The following WDFY4 variants were observed in gnomAD, a reference collection of about 807,000 sequenced individuals.
WDFY4 encodes the protein WD repeat- and FYVE domain-containing protein 4.
A neutral mutation model predicts 351.9 loss-of-function variants in WDFY4; 169 were observed. The observed-to-expected ratio is 0.48, with a 90% CI of 0.42 to 0.55. The LOEUF is 0.55. Among genes scored for constraint, WDFY4 ranks in the 20% least tolerant of loss-of-function variants. WDFY4 has a pLI of 0.00. For missense variants in WDFY4, 3,803 were observed against 3,935.6 expected, an observed-to-expected ratio of 0.97 and a Z score of 0.90; for synonymous variants, 1,622 against 1,574.6, an observed-to-expected ratio of 1.03 and a Z score of -0.71.
chr10:48,736,963 T>C (rs1036214233), intron 11 of WDFY4, among the ~76,000 whole-genome samples: 14 of 152,362 alleles, frequency 9.2e-5, no homozygotes, highest in African/African-American at 3.1e-4. Flanking sequence ...TTAACATTCA[T>C]CAATTTATCT....
intron 60 of WDFY4, 73 bp from the exon 61 acceptor site, chr10:48,981,294 C>G: frequency 1.6e-6 from 2 of 1,286,282 alleles, no homozygotes; most frequent in Non-Finnish European, 2.2e-6. Context: ...GTTTGCGGCC[C>G]CGTGTGCAGA....
chr10:48,740,635 T>A (rs1399753916), intron 11 of WDFY4, among the ~76,000 whole-genome samples: 1 of 152,210 alleles, frequency 6.6e-6, no homozygotes, highest in East Asian at 1.9e-4. Flanking sequence ...CTTTCCTGGG[T>A]TTTCGGCCAA....
intron 57 of WDFY4, among the ~76,000 whole-genome samples, chr10:48,973,487 C>G (rs1352793203): frequency 6.6e-6 from 1 of 152,208 alleles, no homozygotes; most frequent in South Asian, 2.1e-4. Context: ...TGAAAAATGA[C>G]GCTTAGCCTC....
chr10:48,732,180 G>A (rs1393928251), intron 9 of WDFY4, among the ~76,000 whole-genome samples: 2 of 152,164 alleles, frequency 1.3e-5, no homozygotes, highest in African/African-American at 2.4e-5. Context: ...GGTGGCTCAG[G>A]GGTTGGGCTC....
chr10:48,914,770 C>A (rs967498214), intron 47 of WDFY4, among the ~76,000 whole-genome samples: 6 of 152,210 alleles, frequency 3.9e-5, no homozygotes, highest in Non-Finnish European at 8.8e-5. Flanking sequence ...TACAGTCCAA[C>A]AGTAGCCATG....
intron 13 of WDFY4, among the ~76,000 whole-genome samples, chr10:48,761,623 TG>T (rs1197874213): frequency 6.6e-6 from 1 of 152,102 alleles, no homozygotes; most frequent in Non-Finnish European, 1.5e-5. Flanking sequence ...AGCCTCATTG[TG>T]GGAAGGAAAA....
At chr10:48,772,189 C>A (rs929930818) in intron 13 of WDFY4, among the ~76,000 whole-genome samples, 1 of 152,040 alleles carries the variant, frequency 6.6e-6, no homozygotes, top group Non-Finnish European at 1.5e-5. Context: ...TGAGGGAAGC[C>A]GGGCAGGGAA....
chr10:48,701,342 C>G (rs2063474979), intron 1 of WDFY4, among the ~76,000 whole-genome samples: 1 of 152,224 alleles, frequency 6.6e-6, no homozygotes, highest in African/African-American at 2.4e-5. Context: ...TCTCCACCCT[C>G]TGGCCATTGA....
chr10:48,744,449 G>T (rs2064949841), intron 12 of WDFY4, among the ~76,000 whole-genome samples: 1 of 152,160 alleles, frequency 6.6e-6, no homozygotes, highest in Non-Finnish European at 1.5e-5. Context: ...TCCTAATCTT[G>T]CATTCCTGCG....
chr10:48,864,209 A>T (rs138561996), intron 39 of WDFY4, among the ~76,000 whole-genome samples: 9 of 152,278 alleles, frequency 5.9e-5, no homozygotes, highest in African/African-American at 2.2e-4. Context: ...AGAGTTTTAT[A>T]GTTTTAGCTC....
intron 17 of WDFY4, 73 bp from the exon 18 acceptor site, chr10:48,778,538 C>T: frequency 6.9e-7 from 1 of 1,453,776 alleles, no homozygotes; most frequent in South Asian, 1.3e-5. Context: ...TAAATCAGCA[C>T]CATAGTGAAT....
At chr10:48,847,763 C>T (rs555365274) in intron 39 of WDFY4, among the ~76,000 whole-genome samples, 2 of 152,240 alleles carry the variant, frequency 1.3e-5, no homozygotes, top group South Asian at 2.1e-4. Context: ...TTTTGCTATA[C>T]CAGTGTGGAT....
At chr10:48,724,282 C>T (rs1251760490) in intron 5 of WDFY4, among the ~76,000 whole-genome samples, 1 of 152,090 alleles carries the variant, frequency 6.6e-6, no homozygotes, top group Non-Finnish European at 1.5e-5. Flanking sequence ...AGAGCAGGTG[C>T]CTGTGACTGT....
In WDFY4 at chr10:48,776,821, G is replaced by T; in HGVS notation, c.2935G>T (p.Val979Phe). The T allele has an allele frequency of 6.4e-7, 1 of 1,551,646 alleles. No homozygotes were observed. The highest frequency in any genetic ancestry group is 1.2e-5 in the South Asian group (1 of 84,064). ...AAPDAGLHPG[V>F]TQAPQPLGES... ...CCCAGATGCTGGGCTGCACCCTGGA[G>T]TCACACAGGCCCCGCAGCCCTTGGG... is the stretch of plus-strand genomic sequence containing the variant. The change falls in exon 16 of 62, where the codon GTC (valine) becomes TTC (phenylalanine). Residue 979 changes from valine to phenylalanine, a missense_variant. Physicochemically the swap from Val to Phe is conservative, Grantham distance 50. Transcript: ENST00000325239.
chr10:48,818,606 G>GCGCTC (rs2067702949), intron 32 of WDFY4, among the ~76,000 whole-genome samples: 1 of 152,174 alleles, frequency 6.6e-6, no homozygotes, highest in South Asian at 2.1e-4. Flanking sequence ...AAGAGACGGA[G>GCGCTC]CCAAAGTTTA....
intron 39 of WDFY4, 30 bp downstream of exon 39, chr10:48,832,739 G>T (rs1289518844): frequency 6.7e-7 from 1 of 1,496,812 alleles, no homozygotes; most frequent in South Asian, 1.3e-5. Context: ...CCTCAGAAAA[G>T]TATCAGGCAT....
At chr10:48,908,027 T>C (rs1372032251) in intron 47 of WDFY4, among the ~76,000 whole-genome samples, 5 of 152,208 alleles carry the variant, frequency 3.3e-5, no homozygotes, top group Non-Finnish European at 7.3e-5. Flanking sequence ...CCCTGGCCAT[T>C]CTGCCTAGGT....
chr10:48,705,898 G>A (rs899579621), intron 1 of WDFY4, among the ~76,000 whole-genome samples: 5 of 152,180 alleles, frequency 3.3e-5, no homozygotes, highest in Non-Finnish European at 2.9e-5. Context: ...ATGTTAGCAT[G>A]TCCTCAGACA....
At chr10:48,769,058 G>C (rs1350623742) in intron 13 of WDFY4, among the ~76,000 whole-genome samples, 1 of 152,326 alleles carries the variant, frequency 6.6e-6, no homozygotes, top group East Asian at 1.9e-4. Context: ...CTGGACTTCT[G>C]TTTACAGGAC....
Sources: gnomAD v4.1 joint callset for allele counts (sites outside exome capture counted in the v4.1 genomes callset) on GRCh38, gnomAD v4.1.1 for gene constraint, MANE v1.5 for transcripts, NCBI Gene and HGNC (gene_info 2026-07-23, HGNC 2026-07-21) for gene names.